Variants in NUP214 observed in about 807,000 individuals in gnomAD.
NUP214 encodes nucleoporin 214.
In NUP214, 79 loss-of-function variants were observed where a neutral mutation model predicts 196.2. The ratio of observed to expected loss-of-function variants is 0.40; its 90% CI spans 0.34 to 0.49. The LOEUF (loss-of-function observed/expected upper bound fraction) is 0.49. Ranked by LOEUF, NUP214 falls within the 20% of genes least tolerant of loss-of-function variation. The pLI is 0.58. For synonymous variants in NUP214, 1,020 were observed against 990.5 expected, an observed-to-expected ratio of 1.03 and a Z score of -0.56; for missense variants, 2,468 against 2,539.0, an observed-to-expected ratio of 0.97 and a Z score of 0.60.
rs201301148 is a variant in NUP214, at chr9:131,174,213, G to A, written c.3052G>A (p.Val1018Met). ...AVVQAPRHAP[V>M]VRTPSIQPSL... Reference sequence around the variant, plus strand: ...GGTTCAGGCCCCTCGGCACGCCCCCGTGGTTCGCACTCCTTCCATCCAGCC... The same window carrying A: ...GGTTCAGGCCCCTCGGCACGCCCCCATGGTTCGCACTCCTTCCATCCAGCC... The change falls in exon 22 of 36, where the codon GTG (valine) becomes ATG (methionine). Residue 1018 changes from valine (V) to methionine (M), a missense_variant. Val to Met is a conservative substitution (Grantham distance 21). Transcript: ENST00000359428. The A allele has an allele frequency of 1.5e-5, 25 of 1,613,812 alleles. No individual in the cohort carries two copies. Among genetic ancestry groups the A allele is most frequent in the African/African-American group, 2.7e-5 (2 of 74,992 alleles).
At chr9:131,205,393 G>C (rs1055251831) in intron 30 of NUP214, among the ~76,000 whole-genome samples, 2 of 152,228 alleles carry the variant, frequency 1.3e-5, no homozygotes, top group African/African-American at 4.8e-5. Context: ...GCTAGTGAGA[G>C]TGTAAATTCA....
At chr9:131,211,638 C>T (rs998708726) in intron 30 of NUP214, among the ~76,000 whole-genome samples, 1 of 152,184 alleles carries the variant, frequency 6.6e-6, no homozygotes, top group Non-Finnish European at 1.5e-5. Context: ...CAAATTAATA[C>T]TTTTGTAATT....
intron 5 of NUP214, among the ~76,000 whole-genome samples, chr9:131,131,889 A>G (rs1472188956): frequency 1.3e-5 from 2 of 151,328 alleles, no homozygotes; most frequent in Non-Finnish European, 2.9e-5. Context: ...GGGTTTTGCC[A>G]TGTTGCCCAG....
In NUP214 at chr9:131,128,454, T is replaced by G; in HGVS notation, c.364T>G (p.Phe122Val). ...MSSEYGSIIA[F>V]FDVRTFSNEA... ...CAGTGAATATGGTTCCATTATTGCTTTTTTTGATGTTCGCACATTCTCAAA... is the reference window on the plus strand; with the variant it reads ...CAGTGAATATGGTTCCATTATTGCTGTTTTTGATGTTCGCACATTCTCAAA... Residue 122 changes from phenylalanine (F) to valine (V), a missense_variant, in exon 3 of 36, where the codon TTT (phenylalanine) becomes GTT (valine). Phe to Val is a conservative substitution (Grantham distance 50). Around this residue, in one of 5 missense-constraint regions of NUP214, gnomAD observed 392 missense variants for 417.9 expected, o/e 0.94. Coordinates refer to ENST00000359428, the MANE Select transcript of NUP214 (RefSeq NM_005085.4). 6.2e-7 allele frequency: 1 copy of G among 1,613,256 alleles called. No individual in the cohort carries two copies. Among genetic ancestry groups the G allele is most frequent in the Non-Finnish European group, 8.5e-7 (1 of 1,179,410 alleles).
Position 131,146,505 on chromosome 9 carries a change from C to T in NUP214, c.1945+201C>T, listed in dbSNP as rs1441418460. On this transcript the variant is annotated intron_variant, in intron 13 of 35. Transcript: ENST00000359428. The surrounding 1 kb of genome is among the most constrained non-coding windows in gnomAD (Gnocchi z 4.6). ...CTTGCTTAAATGCTGCCACTCTTCT[C>T]TCTGACACTTCTTATGGAGCTAAGT... is the stretch of plus-strand genomic sequence containing the variant. Among the ~76,000 whole-genome samples the T allele has an allele frequency of 1.3e-5, 2 of 152,196 alleles. No homozygotes were observed. The highest frequency in any genetic ancestry group is 1.3e-4 in the Admixed American group (2 of 15,286).
chr9:131,169,884 T>C (rs1430615796), intron 21 of NUP214, among the ~76,000 whole-genome samples: 11 of 152,238 alleles, frequency 7.2e-5, no homozygotes, highest in Non-Finnish European at 1.2e-4. Context: ...TTTGCCTTTC[T>C]TGGTGTTTTA....
At chr9:131,169,243 C>G (rs1046152531) in intron 21 of NUP214, among the ~76,000 whole-genome samples, 1 of 151,878 alleles carries the variant, frequency 6.6e-6, no homozygotes, top group African/African-American at 2.4e-5. Flanking sequence ...ACCGTGTTGG[C>G]CAGGATGGTC....
At chr9:131,206,841 A>T (rs558873817) in intron 30 of NUP214, among the ~76,000 whole-genome samples, 1 of 152,308 alleles carries the variant, frequency 6.6e-6, no homozygotes, top group South Asian at 2.1e-4. Flanking sequence ...AGAAAACATC[A>T]CTGTGATAAA....
At chr9:131,217,873 A>G (rs1219709278) in intron 31 of NUP214, among the ~76,000 whole-genome samples, 1 of 152,206 alleles carries the variant, frequency 6.6e-6, no homozygotes. Context: ...GCTGGTTTGC[A>G]CGGACACATG....
At position 131,144,036 on chromosome 9, in the gene NUP214, A is replaced by G. The variant is rs114266740; in HGVS notation, c.1295-244A>G. Among the ~76,000 whole-genome samples, 280 of 152,350 alleles carry G rather than the reference A, an allele frequency of 1.8e-3. 1 individual carries two copies. Among genetic ancestry groups the G allele is most frequent in the Middle Eastern group, 6.8e-3 (2 of 294 alleles). On this transcript the variant is annotated intron_variant, in intron 11 of 35. Transcript: ENST00000359428. ...ACTGAACTGTTTTGTGTGCCATAGT[A>G]GCACTGAGAAGTCCATGAAGTCCAA...
intron 32 of NUP214, among the ~76,000 whole-genome samples, chr9:131,224,141 A>G (rs1834661015): frequency 6.6e-6 from 1 of 152,222 alleles, no homozygotes; most frequent in African/African-American, 2.4e-5. Context: ...ACCAAGGAAA[A>G]GGAACATTAC....
intron 31 of NUP214, among the ~76,000 whole-genome samples, chr9:131,216,427 C>T (rs1366870188): frequency 2.0e-5 from 3 of 151,148 alleles, no homozygotes; most frequent in African/African-American, 7.3e-5. Flanking sequence ...CGGGGTTTCA[C>T]CATGTTAGCC....
chr9:131,137,808 C>T (rs977809935), intron 9 of NUP214, among the ~76,000 whole-genome samples: 27 of 152,288 alleles, frequency 1.8e-4, no homozygotes, highest in African/African-American at 6.3e-4. Context: ...GCCTCAGCCT[C>T]CCAAAGTGCT....
intron 9 of NUP214, among the ~76,000 whole-genome samples, chr9:131,137,537 C>T (rs1438842984): frequency 1.4e-5 from 2 of 144,460 alleles, no homozygotes; most frequent in African/African-American, 5.1e-5. Flanking sequence ...TTTTTACCCT[C>T]ATTTCTGGTG....
At chr9:131,171,236 C>T (rs1454057036) in intron 21 of NUP214, among the ~76,000 whole-genome samples, 4 of 152,130 alleles carry the variant, frequency 2.6e-5, no homozygotes, top group East Asian at 3.8e-4. Context: ...GTTCCTCCAC[C>T]GAAGGCAGGT....
intron 5 of NUP214, among the ~76,000 whole-genome samples, chr9:131,131,363 T>C (rs1049392412): frequency 1.3e-5 from 2 of 152,244 alleles, no homozygotes; most frequent in Non-Finnish European, 2.9e-5. Flanking sequence ...CTTGAAATAA[T>C]GTTCACAAAT....
intron 21 of NUP214, among the ~76,000 whole-genome samples, chr9:131,170,765 C>T (rs181268596): frequency 1.3e-5 from 2 of 151,328 alleles, no homozygotes; most frequent in Admixed American, 1.3e-4. Flanking sequence ...CTAATGGTGA[C>T]GTTTCTGCCT....
intron 4 of NUP214, among the ~76,000 whole-genome samples, chr9:131,130,148 T>TTG (rs1392705443): frequency 1.8e-5 from 2 of 110,596 alleles, no homozygotes; most frequent in African/African-American, 6.8e-5. Context: ...TTTTTTTTTT[T>TTG]TTGTTTTTTT....
At chr9:131,222,952 A>G (rs766319894) in intron 32 of NUP214, 22 bp downstream of exon 32, 11 of 1,607,630 alleles carry the variant, frequency 6.8e-6, no homozygotes, top group African/African-American at 1.3e-5. Flanking sequence ...TCTATTTGTT[A>G]TGGTTATCTT....
Sources: gnomAD v4.1 joint callset for allele counts (sites outside exome capture counted in the v4.1 genomes callset) on GRCh38, gnomAD v4.1.1 for gene constraint, gnomAD v4.1.1 regional missense constraint, Gnocchi (gnomAD v3.1) non-coding constraint, MANE v1.5 for transcripts, NCBI Gene and HGNC (gene_info 2026-07-23, HGNC 2026-07-21) for gene names.